The following PHKB variants were observed in gnomAD, a reference collection of about 807,000 sequenced individuals.
PHKB encodes phosphorylase b kinase regulatory subunit beta.
Under a neutral mutation model 152.1 loss-of-function variants are expected in PHKB, and 122 were observed. The observed-to-expected ratio is 0.80, with a 90% CI of 0.69 to 0.93. PHKB has a LOEUF of 0.93. PHKB is among the 40% of genes least tolerant of loss of function. The probability of loss-of-function intolerance (pLI) is 0.00; values close to 1 mark genes in which losing one functional copy is unlikely to be tolerated. For missense variants in PHKB, 1,304 were observed against 1,328.4 expected, an observed-to-expected ratio of 0.98 and a Z score of 0.29; for synonymous variants, 436 against 464.9, an observed-to-expected ratio of 0.94 and a Z score of 0.80.
At chr16:47,627,427 A>G (rs1382398915) in intron 14 of PHKB, among the ~76,000 whole-genome samples, 1 of 152,234 alleles carries the variant, frequency 6.6e-6, no homozygotes, top group Non-Finnish European at 1.5e-5. Context: ...ACAGTTTTAC[A>G]AATTACAAAT....
intron 26 of PHKB, among the ~76,000 whole-genome samples, chr16:47,676,565 G>GT (rs1422424289): frequency 1.3e-5 from 2 of 152,050 alleles, no homozygotes; most frequent in East Asian, 1.9e-4. Context: ...CTCTCTTAGT[G>GT]TTTTTTTAAA....
At chr16:47,574,658 G>A (rs562075696) in intron 7 of PHKB, among the ~76,000 whole-genome samples, 97 of 152,304 alleles carry the variant, frequency 6.4e-4, no homozygotes, top group Middle Eastern at 3.4e-3. Context: ...CATGACAAGA[G>A]AGGGAATAAT....
intron 6 of PHKB, among the ~76,000 whole-genome samples, chr16:47,532,185 A>G (rs553275385): frequency 2.0e-5 from 3 of 152,232 alleles, no homozygotes; most frequent in African/African-American, 4.8e-5. Flanking sequence ...AGATAACCCT[A>G]CTTATCAGTG....
rs894724101 is a variant in PHKB at position 47,500,536 on chromosome 16, T to G, written c.305+642T>G. 3.9e-5 allele frequency among the ~76,000 whole-genome samples: 6 copies of G among 152,198 alleles called. No homozygotes were observed. The South Asian group carries it at 1.2e-3, about 31-fold the overall frequency. On this transcript the variant is annotated intron_variant, in intron 3 of 30. Transcript: ENST00000323584. ...GACTAAATGTTGCAGATAATAAAAT[T>G]AGAACCCCAAGTACTTAACAAATTT...
chr16:47,687,973 A>G (rs1248643595), intron 26 of PHKB, among the ~76,000 whole-genome samples: 1 of 152,220 alleles, frequency 6.6e-6, no homozygotes, highest in Non-Finnish European at 1.5e-5. Context: ...TTGTTTTGCA[A>G]ACCAGCATTG....
In PHKB at chr16:47,618,642, G is replaced by A. The variant is rs1359949730; in HGVS notation, c.1458+7722G>A. ...AAAATTTACCCCAAACTGTTCGTTGGACCATCCTTTATTCTTATAAACAGG... is the reference window on the plus strand; with the variant it reads ...AAAATTTACCCCAAACTGTTCGTTGAACCATCCTTTATTCTTATAAACAGG... On this transcript the variant is annotated intron_variant, in intron 14 of 30. Coordinates refer to ENST00000323584, the MANE Select transcript of PHKB (RefSeq NM_000293.3). 2.0e-5 allele frequency among the ~76,000 whole-genome samples: 3 copies of A among 152,194 alleles called. No homozygotes were observed. The South Asian group carries it at 6.2e-4, about 32-fold the overall frequency.
chr16:47,555,147 AACT>A, intron 7 of PHKB, among the ~76,000 whole-genome samples: 1 of 152,352 alleles, frequency 6.6e-6, no homozygotes, highest in South Asian at 2.1e-4. Flanking sequence ...TACTTAAGGT[AACT>A]ACTTAGTCTT....
chr16:47,617,924 G>C (rs113737930), intron 14 of PHKB, among the ~76,000 whole-genome samples: 197 of 152,356 alleles, frequency 1.3e-3, no homozygotes, highest in Non-Finnish European at 2.4e-3. Flanking sequence ...CAGCCAGCTT[G>C]TTCTATATAT....
At chr16:47,670,490 G>GTTGTTTT (rs752378023) in intron 26 of PHKB, among the ~76,000 whole-genome samples, 1 of 151,896 alleles carries the variant, frequency 6.6e-6, no homozygotes. Flanking sequence ...GCTTTATGTA[G>GTTGTTTT]TTGTTTTTTG....
intron 13 of PHKB, among the ~76,000 whole-genome samples, chr16:47,599,149 T>C (rs1040805695): frequency 6.6e-6 from 1 of 152,216 alleles, no homozygotes; most frequent in Non-Finnish European, 1.5e-5. Context: ...GTAAAACATA[T>C]TTTAGTAGAG....
intron 8 of PHKB, among the ~76,000 whole-genome samples, chr16:47,585,092 C>CTT (rs1971913455): frequency 2.0e-5 from 3 of 152,152 alleles, no homozygotes; most frequent in African/African-American, 7.2e-5. Flanking sequence ...CTTCCAGTCC[C>CTT]AGTGCATTTA....
intron 26 of PHKB, among the ~76,000 whole-genome samples, chr16:47,684,542 G>T (rs921252309): frequency 6.6e-6 from 1 of 152,098 alleles, no homozygotes; most frequent in Non-Finnish European, 1.5e-5. Context: ...CAAGGTAGGC[G>T]GATCACGAGG....
intron 13 of PHKB, among the ~76,000 whole-genome samples, chr16:47,597,533 A>G (rs1313328312): frequency 6.6e-6 from 1 of 152,090 alleles, no homozygotes; most frequent in Non-Finnish European, 1.5e-5. Context: ...ACCTAATGCT[A>G]ATTTAAGAAC....
chr16:47,485,270 A>G (rs1970030357), intron 1 of PHKB, among the ~76,000 whole-genome samples: 1 of 152,210 alleles, frequency 6.6e-6, no homozygotes, highest in Non-Finnish European at 1.5e-5. Context: ...CAGAAAATAA[A>G]TCATGGTTTA....
At chr16:47,471,828 T>C (rs372819073) in intron 1 of PHKB, among the ~76,000 whole-genome samples, 2 of 152,132 alleles carry the variant, frequency 1.3e-5, no homozygotes, top group African/African-American at 2.4e-5. Flanking sequence ...ATAAAATGTA[T>C]ATGTGTCACG....
At position 47,682,555 on chromosome 16, in the gene PHKB, C is replaced by T. The variant is rs182359946; in HGVS notation, c.2631-6486C>T. ...TACCCTTTCTTCCAGTTGATCGCAT[C>T]GGCTCCTGAGGCTTCTGCATTCTTC... On this transcript the variant is annotated intron_variant, in intron 26 of 30. Coordinates refer to ENST00000323584, the MANE Select transcript of PHKB (RefSeq NM_000293.3). Among the ~76,000 whole-genome samples, 76 of 152,310 alleles carry T rather than the reference C, an allele frequency of 5.0e-4. 1 individual carries two copies. In the Middle Eastern group the frequency reaches 0.01, roughly 20 times the overall value.
At chr16:47,515,285 C>A (rs1322339663) in intron 5 of PHKB, among the ~76,000 whole-genome samples, 1 of 152,086 alleles carries the variant, frequency 6.6e-6, no homozygotes, top group Non-Finnish European at 1.5e-5. Flanking sequence ...TTATTTGAAG[C>A]CGTTTCCCTA....
At chr16:47,525,719 T>A (rs958434950) in intron 6 of PHKB, among the ~76,000 whole-genome samples, 1 of 152,202 alleles carries the variant, frequency 6.6e-6, no homozygotes, top group African/African-American at 2.4e-5. Flanking sequence ...TTAAGTGAAA[T>A]GCCCAACTCT....
chr16:47,515,053 G>T (rs117693691), intron 5 of PHKB, among the ~76,000 whole-genome samples: 1 of 152,262 alleles, frequency 6.6e-6, no homozygotes, highest in East Asian at 1.9e-4. Flanking sequence ...CATCATCATA[G>T]TGTCTTGCTT....
Sources: gnomAD v4.1 joint callset for allele counts (sites outside exome capture counted in the v4.1 genomes callset) on GRCh38, gnomAD v4.1.1 for gene constraint, MANE v1.5 for transcripts, NCBI Gene and HGNC (gene_info 2026-07-23, HGNC 2026-07-21) for gene names.